Variants in RAD54L2 observed in about 807,000 individuals in gnomAD.
The protein encoded by RAD54L2 is RAD54 like 2, also known as helicase ARIP4.
Under a neutral mutation model 138.4 loss-of-function variants are expected in RAD54L2, and 27 were observed. The observed-to-expected ratio is 0.20, with a 90% CI of 0.14 to 0.27. The LOEUF (loss-of-function observed/expected upper bound fraction) is 0.27. Ranked by LOEUF, RAD54L2 falls within the 10% of genes least tolerant of loss-of-function variation. The probability of loss-of-function intolerance (pLI) is 1.00; values close to 1 mark genes in which losing one functional copy is unlikely to be tolerated. For synonymous variants in RAD54L2, 644 were observed against 723.2 expected (o/e 0.89, Z 1.76); for missense variants, 1,396 against 1,890.2 (o/e 0.74, Z 4.85).
Position 51,637,041 on chromosome 3 carries a change from T to C in RAD54L2, c.1340-120T>C. ...CACCCTCTCACCAAGGGGGGCTGAC[T>C]CTTGCTTTCCTGCTTCCTTCATTTC... On this transcript the variant is annotated intron_variant, in intron 10 of 22. Transcript: ENST00000684192. This position sits in a 1 kb window ranked among gnomAD's most constrained non-coding sequence, Gnocchi z 5.9. 1.1e-6 allele frequency: 1 copy of C among 896,390 alleles called. No individual in the cohort carries two copies. The highest frequency in any genetic ancestry group is 1.7e-6 in the Non-Finnish European group (1 of 577,436). The allele number at this position is 896,390 out of a possible 1,614,324, so 55.5% of individuals were successfully genotyped here. A position where few individuals can be genotyped will look rare whatever the true frequency, so the allele number is the denominator to read the frequency against.
intron 2 of RAD54L2, among the ~76,000 whole-genome samples, chr3:51,585,858 A>G (rs1181845760): frequency 1.3e-5 from 2 of 152,144 alleles, no homozygotes; most frequent in Non-Finnish European, 2.9e-5. Context: ...CTTGCACTGT[A>G]AGAACACAGG....
intron 3 of RAD54L2, among the ~76,000 whole-genome samples, chr3:51,603,978 G>A (rs915152365): frequency 6.6e-6 from 1 of 152,182 alleles, no homozygotes; most frequent in African/African-American, 2.4e-5. Flanking sequence ...CTGTATGGGG[G>A]ATAAGGGATA....
intron 2 of RAD54L2, among the ~76,000 whole-genome samples, chr3:51,572,909 A>C (rs1407664931): frequency 6.6e-6 from 1 of 151,946 alleles, no homozygotes; most frequent in African/African-American, 2.4e-5. Flanking sequence ...AAGTGCTGGA[A>C]TTACAGGTAT....
chr3:51,653,438 C>T (rs1319269566), intron 19 of RAD54L2, among the ~76,000 whole-genome samples: 1 of 152,164 alleles, frequency 6.6e-6, no homozygotes, highest in Non-Finnish European at 1.5e-5. Flanking sequence ...TGGGTATATA[C>T]CCAAAGGATT....
intron 2 of RAD54L2, among the ~76,000 whole-genome samples, chr3:51,559,867 G>A (rs1699058827): frequency 6.6e-6 from 1 of 152,206 alleles, no homozygotes; most frequent in Non-Finnish European, 1.5e-5. Context: ...TCAGCTACAG[G>A]AGCTTCCAAA....
intron 3 of RAD54L2, among the ~76,000 whole-genome samples, chr3:51,625,058 G>C (rs1209166139): frequency 6.6e-6 from 1 of 152,018 alleles, no homozygotes; most frequent in African/African-American, 2.4e-5. Context: ...TTTACCAAAG[G>C]CTCTCAGGTT....
intron 4 of RAD54L2, among the ~76,000 whole-genome samples, chr3:51,628,401 T>TTTA (rs1007192658): frequency 2.6e-5 from 4 of 151,954 alleles, no homozygotes; most frequent in African/African-American, 9.7e-5. Flanking sequence ...TATTTATTTA[T>TTTA]TTTTTTTGAG....
chr3:51,545,978 G>A (rs958871121), intron 2 of RAD54L2, among the ~76,000 whole-genome samples: 1 of 130,380 alleles, frequency 7.7e-6, no homozygotes, highest in Admixed American at 9.1e-5. Flanking sequence ...TCACTCTGTA[G>A]CCCAGGCTGG....
At chr3:51,636,518 C>T (rs1364784199) in intron 10 of RAD54L2, among the ~76,000 whole-genome samples, 1 of 152,180 alleles carries the variant, frequency 6.6e-6, no homozygotes, top group Non-Finnish European at 1.5e-5. Context: ...CTGGATTATT[C>T]CTATTGGTTT....
chr3:51,640,819 A>G lies in RAD54L2; in HGVS notation c.2231+820A>G, dbSNP rs143484259. On this transcript the variant is annotated intron_variant, in intron 14 of 22. Coordinates refer to ENST00000684192, the MANE Select transcript of RAD54L2 (RefSeq NM_015106.4). ...ATGCAGTGGTAGTGTTTAGTGCTGA[A>G]TGCTATTTGTTACTCTGCATTGAGC... Among the ~76,000 whole-genome samples the G allele has an allele frequency of 1.7e-3, 252 of 152,318 alleles. 2 individuals carry two copies. The highest frequency in any genetic ancestry group is 5.8e-3 in the African/African-American group (241 of 41,564).
intron 2 of RAD54L2, among the ~76,000 whole-genome samples, chr3:51,546,655 A>C (rs1559611762): frequency 6.6e-6 from 1 of 152,148 alleles, no homozygotes; most frequent in Non-Finnish European, 1.5e-5. Context: ...ACAAAAAACA[A>C]AAAACACTGA....
chr3:51,583,143 AC>A (rs1402988533), intron 2 of RAD54L2, among the ~76,000 whole-genome samples: 7 of 152,216 alleles, frequency 4.6e-5, no homozygotes, highest in Admixed American at 4.6e-4. Context: ...ATTTTCTAAA[AC>A]AATAAAATTG....
chr3:51,608,110 C>T lies in RAD54L2; in HGVS notation c.139+17551C>T, dbSNP rs569694862. On this transcript the variant is annotated intron_variant, in intron 3 of 22. Coordinates refer to ENST00000684192, the MANE Select transcript of RAD54L2 (RefSeq NM_015106.4). ...GTGGAGGGGCTCCTCACTTCTCAGA[C>T]GGGGCGGCCGGTCAGAGACGCTCCT... is the stretch of plus-strand genomic sequence containing the variant. 3.3e-5 allele frequency among the ~76,000 whole-genome samples: 5 copies of T among 150,338 alleles called. No individual in the cohort carries two copies. In the South Asian group the frequency reaches 6.4e-4, roughly 19 times the overall value.
At chr3:51,561,286 C>G (rs74318565) in intron 2 of RAD54L2, among the ~76,000 whole-genome samples, 1,968 of 152,322 alleles carry the variant, frequency 0.013, 21 homozygotes, top group South Asian at 0.024. Flanking sequence ...TGCTCTGTTA[C>G]CCAGGCTGGA....
chr3:51,653,066 C>A (rs536709255), intron 19 of RAD54L2, among the ~76,000 whole-genome samples: 18 of 152,158 alleles, frequency 1.2e-4, no homozygotes, highest in African/African-American at 4.1e-4. Flanking sequence ...CCACAAAGAA[C>A]TTAAACAAAT....
chr3:51,644,181 C>T (rs777775960), intron 16 of RAD54L2, among the ~76,000 whole-genome samples: 2 of 152,192 alleles, frequency 1.3e-5, no homozygotes, highest in African/African-American at 2.4e-5. Context: ...CCTTCATTAA[C>T]AATGGTTGTG....
Position 51,627,767 on chromosome 3 carries a change from CTG to C in RAD54L2, c.341+17_341+18del. Reference sequence around the variant, plus strand: ...GAAGAAACATACGGTGAGCTGTGCTCTGTGTAAGAGGAGAGGGAAAGGAATAG... The same window carrying C: ...GAAGAAACATACGGTGAGCTGTGCTCTGTAAGAGGAGAGGGAAAGGAATAG... On this transcript the variant is annotated intron_variant, in intron 4 of 22. Transcript: ENST00000684192. 1 of 1,613,146 alleles carries C rather than the reference CTG, an allele frequency of 6.2e-7. No homozygotes were observed. Among genetic ancestry groups the C allele is most frequent in the Non-Finnish European group, 8.5e-7 (1 of 1,179,236 alleles).
intron 19 of RAD54L2, 41 bp downstream of exon 19, chr3:51,646,522 A>G (rs1701285414): frequency 6.6e-7 from 1 of 1,509,328 alleles, no homozygotes; most frequent in Admixed American, 2.1e-5. Flanking sequence ...TGGGCCAGGC[A>G]CAAACACCTT....
Position 51,638,224 on chromosome 3 carries a change from G to A in RAD54L2, c.1763G>A (p.Arg588Gln). Residue 588 changes from arginine to glutamine, a missense_variant, in exon 12 of 23, where the codon CGA becomes CAA. By Grantham distance (43) the Arg-to-Gln change is conservative. Transcript: ENST00000684192. The surrounding 1 kb of genome is among the most constrained non-coding windows in gnomAD (Gnocchi z 4.3). ...VILVRLSKIQRDLYTQFMDRF... is the reference protein window; with the variant it reads ...VILVRLSKIQQDLYTQFMDRF... ...CTTGTGCGGCTCTCCAAGATCCAGC[G>A]AGATTTGTATACACAGTTCATGGAT... 7 of 1,614,018 alleles carry A rather than the reference G, an allele frequency of 4.3e-6. No homozygotes were observed. Among genetic ancestry groups the A allele is most frequent in the Non-Finnish European group, 5.9e-6 (7 of 1,179,900 alleles).
Sources: gnomAD v4.1 joint callset for allele counts (sites outside exome capture counted in the v4.1 genomes callset) on GRCh38, gnomAD v4.1.1 for gene constraint, Gnocchi (gnomAD v3.1) non-coding constraint, MANE v1.5 for transcripts, NCBI Gene and HGNC (gene_info 2026-07-23, HGNC 2026-07-21) for gene names.